The following NOSIP variants were observed in gnomAD, a reference collection of about 807,000 sequenced individuals.
NOSIP encodes nitric oxide synthase-interacting protein.
A neutral mutation model predicts 36.4 loss-of-function variants in NOSIP; 25 were observed. That is an observed-to-expected ratio of 0.69 (90% CI 0.50 to 0.96). The LOEUF is 0.96. Ranked by LOEUF, NOSIP falls within the 40% of genes least tolerant of loss-of-function variation. NOSIP has a pLI of 0.00. For missense variants in NOSIP, 370 were observed against 429.0 expected (o/e 0.86, Z 1.21); for synonymous variants, 187 against 179.2 (o/e 1.04, Z -0.35).
At chr19:49,557,482 A>C in intron 4 of NOSIP, 1 of 1,356,272 alleles carries the variant, frequency 7.4e-7, no homozygotes, top group Non-Finnish European at 9.6e-7. Context: ...GAGCACTATG[A>C]CCTCTCCTGG....
Position 49,557,003 on chromosome 19 carries a change from A to T in NOSIP, c.419-10T>A. The T allele has an allele frequency of 6.2e-7, 1 of 1,601,926 alleles. No homozygotes were observed. The highest frequency in any genetic ancestry group is 8.5e-7 in the Non-Finnish European group (1 of 1,173,560). ...CCAGGTTGGACATCATCTGTGGGGG[A>T]AGGAAGGGACTCAGATGCCGCCCCC... On this transcript the variant is annotated splice_polypyrimidine_tract_variant and intron_variant, in intron 5 of 8. Coordinates refer to ENST00000596358, the MANE Select transcript of NOSIP (RefSeq NM_001270960.2).
At position 49,573,275 on chromosome 19, in the gene NOSIP, T is replaced by C. The variant is rs537813373; in HGVS notation, c.-2+7240A>G. Among the ~76,000 whole-genome samples, 56 of 152,170 alleles carry C rather than the reference T, an allele frequency of 3.7e-4. 1 individual carries two copies. Among genetic ancestry groups the C allele is most frequent in the Admixed American group, 2.0e-4 (3 of 15,256 alleles). Reference sequence around the variant, plus strand: ...GGGAGTGGATCAGACAGCTAGTGTGTGTCTTGTCCTCCCCTGAAATCCTGT... The same window carrying C: ...GGGAGTGGATCAGACAGCTAGTGTGCGTCTTGTCCTCCCCTGAAATCCTGT... On this transcript the variant is annotated intron_variant, in intron 1 of 8. Coordinates refer to ENST00000596358, the MANE Select transcript of NOSIP (RefSeq NM_001270960.2).
At chr19:49,571,512 G>A (rs946340976) in intron 1 of NOSIP, among the ~76,000 whole-genome samples, 6 of 152,156 alleles carry the variant, frequency 3.9e-5, no homozygotes, top group Non-Finnish European at 7.3e-5. Flanking sequence ...AACAGGCAAA[G>A]AGCAGGAGCG....
intron 1 of NOSIP, among the ~76,000 whole-genome samples, chr19:49,569,521 A>G (rs2080457769): frequency 2.1e-5 from 3 of 142,888 alleles, no homozygotes; most frequent in African/African-American, 7.6e-5. Flanking sequence ...TTTAAAGAAC[A>G]TTTGGCCGGG....
At chr19:49,572,788 A>G (rs2080502695) in intron 1 of NOSIP, among the ~76,000 whole-genome samples, 1 of 151,890 alleles carries the variant, frequency 6.6e-6, no homozygotes, top group African/African-American at 2.4e-5. Flanking sequence ...AGCCTGGCCA[A>G]TGTGGCGAAA....
chr19:49,557,292 G>A (rs1707885466), intron 4 of NOSIP, 43 bp from the exon 5 acceptor site: 4 of 1,529,054 alleles, frequency 2.6e-6, no homozygotes, highest in African/African-American at 2.7e-5. Flanking sequence ...CGTGGGGCTG[G>A]GGGTATCTTC....
At chr19:49,565,769 A>AAAAGAAAGAAAGAAAG (rs147179302) in intron 1 of NOSIP, among the ~76,000 whole-genome samples, 1 of 139,992 alleles carries the variant, frequency 7.1e-6, no homozygotes, top group African/African-American at 3.1e-5. Flanking sequence ...AAAGAAAAAA[A>AAAAGAAAGAAAGAAAG]AAAGAAAGAA....
At chr19:49,571,885 T>C (rs139830739) in intron 1 of NOSIP, among the ~76,000 whole-genome samples, 2,920 of 146,160 alleles carry the variant, frequency 0.02, 86 homozygotes, top group African/African-American at 0.07. Flanking sequence ...CTCGGGAGGC[T>C]GAGGCAGAAG....
At chr19:49,558,607 C>T (rs1002558402) in intron 4 of NOSIP, 12 of 363,774 alleles carry the variant, frequency 3.3e-5, no homozygotes, top group South Asian at 1.3e-4. Flanking sequence ...TGGGAAAACT[C>T]GAAGTCCATA....
chr19:49,561,434 C>T (rs1308833326), intron 1 of NOSIP, among the ~76,000 whole-genome samples: 1 of 152,126 alleles, frequency 6.6e-6, no homozygotes, highest in Non-Finnish European at 1.5e-5. Flanking sequence ...TAAGGAACCC[C>T]CATGATGTAC....
chr19:49,558,682 A>G (rs2080290284), intron 4 of NOSIP: 1 of 614,860 alleles, frequency 1.6e-6, no homozygotes, highest in South Asian at 1.9e-5. Flanking sequence ...TGCTAAGAGA[A>G]GAGGTGACTG....
intron 1 of NOSIP, among the ~76,000 whole-genome samples, chr19:49,577,152 TTGG>T (rs2080564309): frequency 6.6e-6 from 1 of 152,178 alleles, no homozygotes; most frequent in Non-Finnish European, 1.5e-5. Flanking sequence ...CCCTTATACA[TTGG>T]TGGTAGAAAT....
intron 1 of NOSIP, among the ~76,000 whole-genome samples, chr19:49,574,966 C>T (rs908190694): frequency 6.6e-6 from 1 of 151,294 alleles, no homozygotes; most frequent in Non-Finnish European, 1.5e-5. Context: ...GGGTTCATGC[C>T]ATTCTCCTGC....
At chr19:49,574,306 T>C (rs2080523876) in intron 1 of NOSIP, among the ~76,000 whole-genome samples, 1 of 152,094 alleles carries the variant, frequency 6.6e-6, no homozygotes, top group Non-Finnish European at 1.5e-5. Context: ...TGGACATGAC[T>C]CAAGACAAAA....
chr19:49,559,248 G>A (rs1467054100), intron 3 of NOSIP: 15 of 419,990 alleles, frequency 3.6e-5, no homozygotes, highest in Non-Finnish European at 6.1e-5. Context: ...TCCCAATAGA[G>A]CTGCAGGGAA....
chr19:49,571,261 C>T (rs1031121859), intron 1 of NOSIP, among the ~76,000 whole-genome samples: 24 of 151,448 alleles, frequency 1.6e-4, no homozygotes, highest in African/African-American at 5.3e-4. Context: ...GCAAGGATTA[C>T]GGGCATGAAC....
Position 49,565,595 on chromosome 19 carries a change from T to A in NOSIP, c.-1-4903A>T, listed in dbSNP as rs546619394. On this transcript the variant is annotated intron_variant, in intron 1 of 8. Transcript: ENST00000596358. Reference sequence around the variant, plus strand: ...GAGACCCCATCTCTACAAAAAAATATATATATATAAAAATTTGCTGGGTGT... The same window carrying A: ...GAGACCCCATCTCTACAAAAAAATAAATATATATAAAAATTTGCTGGGTGT... Among the ~76,000 whole-genome samples the A allele has an allele frequency of 7.5e-4, 113 of 151,308 alleles. 1 individual carries two copies. The highest frequency in any genetic ancestry group is 2.5e-3 in the African/African-American group (105 of 41,182).
In NOSIP at chr19:49,556,725, C is replaced by G. The variant is rs4594362; in HGVS notation, c.549G>C (p.Val183=). The change falls in exon 7 of 9, where the codon GTG becomes GTC. Residue 183 remains valine, a synonymous_variant. Coordinates refer to ENST00000596358, the MANE Select transcript of NOSIP (RefSeq NM_001270960.2). ...GGGGCTTCCCTGACATGGGGCAGGT[C>G]ACCGTGCGGGACTGCAAGGGGCAGA... ...ATKLEKPSRT[V]TCPMSGKPLR... is the part of the protein sequence containing the mutation. 0.098 allele frequency: 158,186 copies of G among 1,606,274 alleles called. 9,458 individuals are homozygous for G. Among genetic ancestry groups the G allele is most frequent in the South Asian group, 0.23 (20,432 of 90,504 alleles).
At chr19:49,578,669 CAG>C (rs767958854) in intron 1 of NOSIP, among the ~76,000 whole-genome samples, 1 of 149,036 alleles carries the variant, frequency 6.7e-6, no homozygotes, top group Non-Finnish European at 1.5e-5. Context: ...TTTTTTGAGA[CAG>C]AGTCTCACTC....
Sources: gnomAD v4.1 joint callset for allele counts (sites outside exome capture counted in the v4.1 genomes callset) on GRCh38, gnomAD v4.1.1 for gene constraint, MANE v1.5 for transcripts, NCBI Gene and HGNC (gene_info 2026-07-23, HGNC 2026-07-21) for gene names.